Variants in XPNPEP1 observed in about 807,000 individuals in gnomAD.
The protein encoded by XPNPEP1 is X-prolyl aminopeptidase 1.
XPNPEP1 carries 39 observed loss-of-function variants against 92.4 expected under a neutral mutation model. That is an observed-to-expected ratio of 0.42 (90% CI 0.33 to 0.55). XPNPEP1 has a LOEUF of 0.55. XPNPEP1 is among the 20% of genes least tolerant of loss of function. The probability of loss-of-function intolerance (pLI) is 0.08; values close to 1 mark genes in which losing one functional copy is unlikely to be tolerated. For missense variants in XPNPEP1, 654 were observed against 856.1 expected (o/e 0.76, Z 2.95); for synonymous variants, 307 against 299.4 (o/e 1.03, Z -0.26).
At chr10:109,911,275 A>G (rs1432819622) in intron 2 of XPNPEP1, among the ~76,000 whole-genome samples, 1 of 152,144 alleles carries the variant, frequency 6.6e-6, no homozygotes, top group Admixed American at 6.5e-5. Context: ...TATTGTTCAG[A>G]GGGGCATTCT....
chr10:109,905,627 C>G (rs1250956167), intron 3 of XPNPEP1, among the ~76,000 whole-genome samples: 2 of 152,110 alleles, frequency 1.3e-5, no homozygotes, highest in Non-Finnish European at 2.9e-5. Context: ...CGAAAAAGTT[C>G]TAGAGATCTG....
intron 14 of XPNPEP1, chr10:109,877,482 T>A: frequency 3.6e-6 from 1 of 276,692 alleles, no homozygotes; most frequent in East Asian, 7.4e-5. Context: ...AAAAAAAACT[T>A]AGTCATCAAG....
intron 15 of XPNPEP1, among the ~76,000 whole-genome samples, chr10:109,874,368 A>C (rs1847656901): frequency 6.6e-6 from 1 of 152,236 alleles, no homozygotes; most frequent in African/African-American, 2.4e-5. Flanking sequence ...TTAGAACAGC[A>C]GGGGGTTTCC....
intron 5 of XPNPEP1, 135 bp from the exon 6 acceptor site, chr10:109,888,730 C>T (rs1281720579): frequency 3.4e-6 from 2 of 592,762 alleles, no homozygotes; most frequent in Non-Finnish European, 2.7e-6. Flanking sequence ...ATTGACAGGA[C>T]TTAGAAAATC....
Position 109,877,818 on chromosome 10 carries a change from C to T in XPNPEP1, c.1291G>A (p.Gly431Arg). Reference protein sequence around the residue: ...DLSFPTISSTGPNGAIIHYAP... With the variant: ...DLSFPTISSTRPNGAIIHYAP... Reference sequence around the variant, plus strand: ...TAGTGAATGATGGCGCCGTTGGGTCCCGTACTGGAAATTGTTGGGAAGCTC... The same window carrying T: ...TAGTGAATGATGGCGCCGTTGGGTCTCGTACTGGAAATTGTTGGGAAGCTC... Residue 431 changes from glycine to arginine, a missense_variant, in exon 14 of 21, where the codon GGA (glycine) becomes AGA (arginine). Physicochemically the swap from Gly to Arg is moderately radical, Grantham distance 125. Transcript: ENST00000502935. 6.2e-7 allele frequency: 1 copy of T among 1,614,222 alleles called. No homozygotes were observed. Among genetic ancestry groups the T allele is most frequent in the Non-Finnish European group, 8.5e-7 (1 of 1,180,050 alleles).
chr10:109,877,966 C>A (rs774309939), intron 13 of XPNPEP1, 34 bp downstream of exon 13: 9 of 1,614,188 alleles, frequency 5.6e-6, no homozygotes, highest in Non-Finnish European at 6.8e-6. Context: ...AAAATCAGCA[C>A]GAGGCTCCTG....
intron 19 of XPNPEP1, among the ~76,000 whole-genome samples, 179 bp from the exon 20 acceptor site, chr10:109,868,891 T>C (rs1847291418): frequency 1.3e-5 from 2 of 152,018 alleles, no homozygotes; most frequent in African/African-American, 2.4e-5. Flanking sequence ...TTCCAAGAGC[T>C]CCTCCACTGG....
intron 3 of XPNPEP1, among the ~76,000 whole-genome samples, chr10:109,896,308 G>A (rs374245005): frequency 1.4e-5 from 2 of 142,012 alleles, no homozygotes; most frequent in Admixed American, 7.4e-5. Context: ...AGACAGGATC[G>A]CCTTCTGTTA....
At chr10:109,889,462 C>T (rs979866220) in intron 5 of XPNPEP1, among the ~76,000 whole-genome samples, 5 of 152,228 alleles carry the variant, frequency 3.3e-5, no homozygotes, top group African/African-American at 1.2e-4. Flanking sequence ...CTCAGCCTCC[C>T]AAAGTGCTGG....
In XPNPEP1 at chr10:109,888,576, A is replaced by T; in HGVS notation, c.435T>A (p.Thr145=). 6.2e-7 allele frequency: 1 copy of T among 1,608,936 alleles called. No individual in the cohort carries two copies. Among genetic ancestry groups the T allele is most frequent in the Non-Finnish European group, 8.5e-7 (1 of 1,177,018 alleles). ...LMKMGLKDTP[T]QEDWLVSVLP... ...GCACACTCACCAGCCAGTCTTCCTGAGTTGGTGTGTCCTTCAGACCTACAG... is the reference window on the plus strand; with the variant it reads ...GCACACTCACCAGCCAGTCTTCCTGTGTTGGTGTGTCCTTCAGACCTACAG... The change falls in exon 6 of 21, where the codon ACT becomes ACA. Residue 145 remains threonine, a synonymous_variant. Transcript: ENST00000502935.
At chr10:109,912,811 A>G (rs1247908256) in intron 2 of XPNPEP1, among the ~76,000 whole-genome samples, 1 of 152,264 alleles carries the variant, frequency 6.6e-6, no homozygotes. Flanking sequence ...GGCAGGGATG[A>G]TGTCATCTCT....
chr10:109,872,013 G>T, intron 16 of XPNPEP1, 152 bp from the exon 17 acceptor site: 1 of 720,728 alleles, frequency 1.4e-6, no homozygotes, highest in Non-Finnish European at 2.2e-6. Context: ...TGGAAAAAAA[G>T]CCTGGCCACG....
At chr10:109,891,656 G>A (rs1848709288) in intron 5 of XPNPEP1, 66 bp downstream of exon 5, 2 of 1,301,648 alleles carry the variant, frequency 1.5e-6, no homozygotes, top group Admixed American at 5.0e-5. Context: ...CAGGAGTCCT[G>A]AGGACCTCTA....
chr10:109,915,365 T>C (rs1850127362), intron 1 of XPNPEP1, among the ~76,000 whole-genome samples: 1 of 152,230 alleles, frequency 6.6e-6, no homozygotes, highest in Non-Finnish European at 1.5e-5. Context: ...GAAGACTTAT[T>C]TTCAATGTTT....
chr10:109,886,340 G>A lies in XPNPEP1; in HGVS notation c.654C>T (p.Gly218=), dbSNP rs1848388709. The stretch of plus-strand genomic sequence containing the variant: ...CTGCAACCTTGTCCTTCCAGGAGAT[G>A]CCTGCAAGAAACAAATGTGCTTTAA... The part of the protein sequence containing the change: ...PLLTLGLDYT[G]ISWKDKVADL... The change falls in exon 8 of 21, where the codon GGC becomes GGT. Residue 218 remains glycine (G), a splice_region_variant and synonymous_variant. Coordinates refer to ENST00000502935, the MANE Select transcript of XPNPEP1 (RefSeq NM_020383.4). 1 of 1,613,942 alleles carries A rather than the reference G, an allele frequency of 6.2e-7. No homozygotes were observed.
intron 1 of XPNPEP1, among the ~76,000 whole-genome samples, chr10:109,920,048 G>T (rs1046658190): frequency 2.0e-5 from 3 of 150,760 alleles, no homozygotes; most frequent in Non-Finnish European, 4.4e-5. Context: ...AAAAAAAAAA[G>T]AAAGAAAAGA....
chr10:109,920,471 G>A (rs1305125773), intron 1 of XPNPEP1, among the ~76,000 whole-genome samples: 4 of 152,156 alleles, frequency 2.6e-5, no homozygotes, highest in East Asian at 3.8e-4. Context: ...TACTTCATAC[G>A]TAAGTTTCTA....
At chr10:109,872,791 A>G (rs1372833277) in intron 16 of XPNPEP1, among the ~76,000 whole-genome samples, 1 of 152,156 alleles carries the variant, frequency 6.6e-6, no homozygotes, top group Non-Finnish European at 1.5e-5. Context: ...GGGTCCTTTT[A>G]TCCTCATTTT....
chr10:109,877,993 T>C lies in XPNPEP1; in HGVS notation c.1241+7A>G. 1 of 1,614,222 alleles carries C rather than the reference T, an allele frequency of 6.2e-7. No individual in the cohort carries two copies. Among genetic ancestry groups the C allele is most frequent in the East Asian group, 2.2e-5 (1 of 44,882 alleles). ...AGGCTCCTGGGTCCCCCCAAATGGA[T>C]CCTTACCTGCGAAACTCCTCAGCTT... is the stretch of plus-strand genomic sequence containing the variant. On this transcript the variant is annotated splice_region_variant and intron_variant, in intron 13 of 20. Transcript: ENST00000502935.
Sources: allele counts gnomAD v4.1 joint callset (sites outside exome capture counted in the v4.1 genomes callset), GRCh38; gene constraint gnomAD v4.1.1; transcripts MANE v1.5; gene names NCBI Gene and HGNC (gene_info 2026-07-23, HGNC 2026-07-21).